PLS1: variants seen among roughly 807,000 people sequenced by gnomAD.
PLS1 encodes the protein plastin 1.
A neutral mutation model predicts 73.7 loss-of-function variants in PLS1; 32 were observed. The observed-to-expected ratio is 0.43, with a 90% CI of 0.33 to 0.58. The LOEUF (loss-of-function observed/expected upper bound fraction) is 0.58, where lower values mean the gene tolerates loss of function less well. PLS1 is among the 20% of genes least tolerant of loss of function. The pLI, the probability that PLS1 is intolerant of heterozygous loss-of-function variation, is 0.04. For synonymous variants in PLS1, 217 were observed against 261.3 expected, an observed-to-expected ratio of 0.83 and a Z score of 1.63; for missense variants, 633 against 740.5, an observed-to-expected ratio of 0.85 and a Z score of 1.68.
intron 9 of PLS1, among the ~76,000 whole-genome samples, chr3:142,688,260 T>C (rs888603398): frequency 6.6e-5 from 10 of 152,214 alleles, no homozygotes; most frequent in African/African-American, 2.4e-4. Context: ...ATATTGTCAT[T>C]TTTTGATGTC....
intron 1 of PLS1, among the ~76,000 whole-genome samples, chr3:142,628,536 A>T (rs979446301): frequency 6.6e-5 from 10 of 152,220 alleles, no homozygotes; most frequent in Non-Finnish European, 1.2e-4. Flanking sequence ...CACTGGGCTG[A>T]TGTGAAAGTC....
chr3:142,679,095 C>T (rs1311277671), intron 6 of PLS1, among the ~76,000 whole-genome samples: 4 of 151,382 alleles, frequency 2.6e-5, no homozygotes, highest in Non-Finnish European at 4.4e-5. Context: ...CTGTTCATGT[C>T]CTTCACCCAC....
At chr3:142,600,918 T>TATA (rs2035914346) in intron 1 of PLS1, among the ~76,000 whole-genome samples, 5 of 17,838 alleles carry the variant, frequency 2.8e-4, no homozygotes, top group Non-Finnish European at 5.7e-4. Flanking sequence ...ATATATATAT[T>TATA]TTTTTTTTTT....
chr3:142,614,890 T>G (rs1032308980), intron 1 of PLS1, among the ~76,000 whole-genome samples: 2 of 152,000 alleles, frequency 1.3e-5, no homozygotes, highest in African/African-American at 4.8e-5. Flanking sequence ...GGGCTGGAAG[T>G]GTTGAATGCT....
intron 14 of PLS1, among the ~76,000 whole-genome samples, chr3:142,707,026 G>A (rs376085981): frequency 6.6e-6 from 1 of 152,170 alleles, no homozygotes; most frequent in East Asian, 1.9e-4. Context: ...TGAGAAATGG[G>A]AGTGCATAAA....
intron 1 of PLS1, among the ~76,000 whole-genome samples, chr3:142,605,491 C>G (rs906431419): frequency 6.6e-6 from 1 of 152,210 alleles, no homozygotes; most frequent in Non-Finnish European, 1.5e-5. Flanking sequence ...CTGCTTCATC[C>G]TCCCCAGTAG....
chr3:142,607,917 T>A (rs1014972241), intron 1 of PLS1, among the ~76,000 whole-genome samples: 1 of 152,188 alleles, frequency 6.6e-6, no homozygotes, highest in East Asian at 1.9e-4. Context: ...TGACATTGAT[T>A]TTTAGTATTC....
rs747256420 is a variant in PLS1 at position 142,669,382 on chromosome 3, C to T, written c.71-8C>T. The T allele has an allele frequency of 6.8e-7, 1 of 1,471,768 alleles. No homozygotes were observed. Among genetic ancestry groups the T allele is most frequent in the Non-Finnish European group, 9.4e-7 (1 of 1,066,764 alleles). 91.2% of individuals were successfully genotyped at this position (1,471,768 alleles called of 1,614,324 possible). A position where few individuals can be genotyped will look rare whatever the true frequency, so the allele number is the denominator to read the frequency against. ...TTACAAAATATATTTTATAATATAT[C>T]TTTACAGATATTGACAATAGTGGGT... On this transcript the variant is annotated splice_polypyrimidine_tract_variant and splice_region_variant and intron_variant, in intron 2 of 15. Coordinates refer to ENST00000457734, the MANE Select transcript of PLS1 (RefSeq NM_001145319.2).
chr3:142,656,276 G>A (rs2037234721), intron 1 of PLS1, among the ~76,000 whole-genome samples: 1 of 152,178 alleles, frequency 6.6e-6, no homozygotes, highest in Admixed American at 6.5e-5. Flanking sequence ...TTTAAGAAAA[G>A]TTTTCTATCA....
intron 1 of PLS1, chr3:142,656,764 G>A (rs2037246233): frequency 6.6e-6 from 1 of 152,118 alleles, no homozygotes; most frequent in African/African-American, 2.4e-5. Flanking sequence ...CTGAAAATGG[G>A]AAGTAACATA....
intron 1 of PLS1, among the ~76,000 whole-genome samples, chr3:142,655,962 T>C (rs747102829): frequency 6.6e-6 from 1 of 152,014 alleles, no homozygotes; most frequent in Non-Finnish European, 1.5e-5. Context: ...AATTAATTAC[T>C]TTTTTTTGTT....
chr3:142,654,792 AGTT>A (rs765680735), intron 1 of PLS1: 1 of 152,238 alleles, frequency 6.6e-6, no homozygotes, highest in Non-Finnish European at 1.5e-5. Context: ...GTGCTCAATA[AGTT>A]GTTGTTGAAT....
chr3:142,684,534 G>T, intron 8 of PLS1, 139 bp downstream of exon 8: 3 of 659,072 alleles, frequency 4.6e-6, no homozygotes, highest in Non-Finnish European at 7.8e-6. Flanking sequence ...ACTGTGTGAA[G>T]TAGATCCCCC....
intron 1 of PLS1, among the ~76,000 whole-genome samples, chr3:142,636,966 A>G (rs1646671342): frequency 1.3e-5 from 2 of 152,230 alleles, no homozygotes; most frequent in Admixed American, 1.3e-4. Context: ...TATTGATGGG[A>G]CTGCAAAATG....
At chr3:142,631,637 G>T (rs2036565478) in intron 1 of PLS1, among the ~76,000 whole-genome samples, 1 of 107,554 alleles carries the variant, frequency 9.3e-6, no homozygotes. Context: ...GTCCAGCCTA[G>T]ACAACAGAGT....
chr3:142,686,248 C>A, intron 8 of PLS1, 36 bp from the exon 9 acceptor site: 2 of 1,194,426 alleles, frequency 1.7e-6, no homozygotes, highest in South Asian at 1.3e-5. Context: ...TGATTTTATT[C>A]GTTTTAAAAA....
chr3:142,655,250 A>G (rs1462884244), intron 1 of PLS1, among the ~76,000 whole-genome samples: 22 of 152,328 alleles, frequency 1.4e-4, no homozygotes, highest in Non-Finnish European at 1.5e-5. Context: ...ATATGGGGGA[A>G]TCGGCCTTCC....
chr3:142,704,889 A>G (rs944149499), intron 14 of PLS1, among the ~76,000 whole-genome samples: 1 of 149,678 alleles, frequency 6.7e-6, no homozygotes, highest in Non-Finnish European at 1.5e-5. Context: ...CGCTCTCCTG[A>G]CCTCGTGATC....
chr3:142,663,459 A>C (rs957353480), intron 1 of PLS1, among the ~76,000 whole-genome samples: 8 of 152,066 alleles, frequency 5.3e-5, no homozygotes, highest in Admixed American at 3.3e-4. Context: ...CAACTTTCGA[A>C]GGCCAAGACA....
Sources: allele counts gnomAD v4.1 joint callset (sites outside exome capture counted in the v4.1 genomes callset), GRCh38; gene constraint gnomAD v4.1.1; transcripts MANE v1.5; gene names NCBI Gene and HGNC (gene_info 2026-07-23, HGNC 2026-07-21).